MSTO1: variants seen among roughly 807,000 people sequenced by gnomAD.
The protein encoded by MSTO1 is protein misato homolog 1.
MSTO1 carries 24 observed loss-of-function variants against 55.7 expected under a neutral mutation model. That is an observed-to-expected ratio of 0.43 (90% CI 0.31 to 0.61). MSTO1 has a LOEUF of 0.61. Among genes scored for constraint, MSTO1 ranks in the 20% least tolerant of loss-of-function variants. The pLI, the probability that MSTO1 is intolerant of heterozygous loss-of-function variation, is 0.09. For missense variants in MSTO1, 363 were observed against 625.7 expected (o/e 0.58, Z 4.48); for synonymous variants, 162 against 252.8 (o/e 0.64, Z 3.41).
chr1:155,607,235 C>T (rs374121778), upstream of MSTO1, among the ~76,000 whole-genome samples: 4 of 152,064 alleles, frequency 2.6e-5, no homozygotes, highest in Non-Finnish European at 4.4e-5. Flanking sequence ...AGTGCTATGG[C>T]GCGATCTTGG....
rs1019347346 is a variant in MSTO1 at position 155,614,373 on chromosome 1, C to T, written c.*100C>T. On this transcript the variant is annotated 3_prime_UTR_variant, in exon 14 of 14. Transcript: ENST00000245564. ...GAGGAGCTCAATGTCGCGGGACTAG[C>T]TACACCAACATATGCACTTTTTACA... The T allele has an allele frequency of 2.3e-5, 13 of 569,046 alleles. No individual in the cohort carries two copies. The highest frequency in any genetic ancestry group is 2.2e-4 in the Admixed American group (7 of 32,500). The allele number at this position is 569,046 out of a possible 1,614,324, so 35.2% of individuals were successfully genotyped here.
chr1:155,611,709 G>T lies in MSTO1; in HGVS notation c.442G>T (p.Ala148Ser). ...TTCAGGTTCCTCACCACTCCCCACC[G>T]CTACAACTCCAAAACCACTTATCCC... is the stretch of plus-strand genomic sequence containing the variant. ...NGKGSSPLPT[A>S]TTPKPLIPTE... The change falls in exon 6 of 14, where the codon GCT (alanine) becomes TCT (serine). Residue 148 changes from alanine (A) to serine (S), a missense_variant. This residue lies in a region of MSTO1 where 94 missense variants were observed against 212.4 expected (regional missense o/e 0.44). Transcript: ENST00000245564. The T allele has an allele frequency of 2.2e-6, 2 of 928,152 alleles. No homozygotes were observed. The highest frequency in any genetic ancestry group is 3.3e-6 in the Non-Finnish European group (2 of 605,358). The allele number at this position is 928,152 out of a possible 1,614,324, so 57.5% of individuals were successfully genotyped here. A position where few individuals can be genotyped will look rare whatever the true frequency, so the allele number is the denominator to read the frequency against.
chr1:155,608,496 CTTTTTTT>C (rs769788957), upstream of MSTO1, among the ~76,000 whole-genome samples: 3 of 132,782 alleles, frequency 2.3e-5, no homozygotes, highest in African/African-American at 5.9e-5. Context: ...TGCCTTATCT[CTTTTTTT>C]TTTTTTTTTT....
At chr1:155,570,401 T>G in the MSTO1 span, among the ~76,000 whole-genome samples, 1 of 152,192 alleles carries the variant, frequency 6.6e-6, no homozygotes, top group Non-Finnish European at 1.5e-5. Flanking sequence ...GTGCTCCCAT[T>G]GGTCAGTCAT....
chr1:155,578,241 T>C, the MSTO1 span, among the ~76,000 whole-genome samples: 1 of 149,066 alleles, frequency 6.7e-6, no homozygotes, highest in African/African-American at 2.5e-5. Context: ...ATTGGGGTAA[T>C]ATAGAGAAGG....
upstream of MSTO1, among the ~76,000 whole-genome samples, chr1:155,607,264 T>A (rs2148975719): frequency 6.6e-6 from 1 of 152,250 alleles, no homozygotes; most frequent in East Asian, 1.9e-4. Flanking sequence ...AACCTCCGAC[T>A]CCCTGGTTCA....
chr1:155,579,874 T>G, the MSTO1 span, among the ~76,000 whole-genome samples: 2 of 151,750 alleles, frequency 1.3e-5, no homozygotes, highest in Non-Finnish European at 2.9e-5. Flanking sequence ...GTTGAGGAGT[T>G]TGAGACCAGA....
At chr1:155,608,204 C>A (rs1267740573), upstream of MSTO1, among the ~76,000 whole-genome samples, 1 of 152,218 alleles carries the variant, frequency 6.6e-6, no homozygotes, top group Admixed American at 6.5e-5. Flanking sequence ...CTCCCTCTGT[C>A]TCTGGCTGCA....
chr1:155,563,500 C>T, the MSTO1 span: 3 of 456,376 alleles, frequency 6.6e-6, no homozygotes, highest in South Asian at 4.6e-5. Context: ...TGGTGGTGTG[C>T]TTTTTGTTGT....
the MSTO1 span, among the ~76,000 whole-genome samples, chr1:155,570,578 C>G: frequency 6.6e-6 from 1 of 152,168 alleles, no homozygotes; most frequent in African/African-American, 2.4e-5. Flanking sequence ...GTTTTATCAT[C>G]TCACTTCAAC....
At chr1:155,590,985 G>A in the MSTO1 span, 107 of 1,613,850 alleles carry the variant, frequency 6.6e-5, no homozygotes, top group African/African-American at 1.5e-4. Context: ...CCAGCAAGCC[G>A]AACAGGGCCA....
the MSTO1 span, among the ~76,000 whole-genome samples, chr1:155,583,747 C>A: frequency 6.6e-6 from 1 of 152,052 alleles, no homozygotes; most frequent in Non-Finnish European, 1.5e-5. Context: ...TCCACAGGCA[C>A]GCCTATGGAA....
intron 9 of MSTO1, 75 bp from the exon 10 acceptor site, chr1:155,612,769 T>C (rs2148993171): frequency 6.3e-7 from 1 of 1,576,752 alleles, no homozygotes; most frequent in African/African-American, 1.3e-5. Context: ...TGGGTCTCTC[T>C]GGTGTTAATA....
At chr1:155,563,262 T>A in the MSTO1 span, 1 of 456,500 alleles carries the variant, frequency 2.2e-6, no homozygotes, top group Non-Finnish European at 4.4e-6. Context: ...GCAGGACCGC[T>A]GCTGTGGAGC....
rs1386138752 is a variant in MSTO1, at chr1:155,612,468, G to A, written c.864G>A (p.Val288=). 6.2e-7 allele frequency: 1 copy of A among 1,613,900 alleles called. No individual in the cohort carries two copies. The highest frequency in any genetic ancestry group is 8.5e-7 in the Non-Finnish European group (1 of 1,179,982). The change falls in exon 9 of 14, where the codon GTG becomes GTA. Residue 288 remains valine (V), a synonymous_variant. Transcript: ENST00000245564. ...TATTAAACACAGCTTTTGGTCTCGT[G>A]CACCTGACTGCTCACAGCTCTCTTG... The part of the protein sequence containing the change: ...YRLLNTAFGL[V]HLTAHSSLVC...
the MSTO1 span, among the ~76,000 whole-genome samples, chr1:155,579,493 G>A: frequency 6.6e-6 from 1 of 152,140 alleles, no homozygotes; most frequent in Non-Finnish European, 1.5e-5. Flanking sequence ...GAAATCATTA[G>A]GCATTTGCTG....
At chr1:155,569,728 C>T in the MSTO1 span, among the ~76,000 whole-genome samples, 7 of 152,088 alleles carry the variant, frequency 4.6e-5, no homozygotes, top group South Asian at 4.1e-4. Context: ...TGATCCACTG[C>T]ACCCGGCCAG....
At chr1:155,606,816 C>T (rs1439406315), upstream of MSTO1, among the ~76,000 whole-genome samples, 6 of 151,920 alleles carry the variant, frequency 3.9e-5, no homozygotes, top group Admixed American at 1.3e-4. Flanking sequence ...CCACTGCAGC[C>T]GGCCCAGATC....
chr1:155,576,870 C>T, the MSTO1 span, among the ~76,000 whole-genome samples: 5,673 of 148,198 alleles, frequency 0.038, 375 homozygotes, highest in African/African-American at 0.14. Context: ...AAAAAATTAG[C>T]CGGGCGTGGT....
Sources: gnomAD v4.1 joint callset for allele counts (sites outside exome capture counted in the v4.1 genomes callset) on GRCh38, gnomAD v4.1.1 for gene constraint, gnomAD v4.1.1 regional missense constraint, MANE v1.5 for transcripts, NCBI Gene and HGNC (gene_info 2026-07-23, HGNC 2026-07-21) for gene names.